CUX2: variants seen among roughly 807,000 people sequenced by gnomAD.
CUX2 encodes the protein cut like homeobox 2.
Under a neutral mutation model 144.8 loss-of-function variants are expected in CUX2, and 40 were observed. The observed-to-expected ratio is 0.28, with a 90% CI of 0.21 to 0.36. CUX2 has a LOEUF of 0.36. CUX2 is among the 10% of genes least tolerant of loss of function. CUX2 has a pLI of 1.00. For missense variants in CUX2, 1,615 were observed against 1,994.0 expected (o/e 0.81, Z 3.62); for synonymous variants, 827 against 875.6 (o/e 0.94, Z 0.98).
intron 3 of CUX2, among the ~76,000 whole-genome samples, chr12:111,245,395 T>A (rs1014348137): frequency 6.6e-6 from 1 of 152,064 alleles, no homozygotes; most frequent in African/African-American, 2.4e-5. Context: ...AATTTTTTTT[T>A]ACTTTTTTCT....
Position 111,160,606 on chromosome 12 carries a change from G to A in CUX2, c.64-53594G>A, listed in dbSNP as rs552968810. Among the ~76,000 whole-genome samples the A allele has an allele frequency of 2.6e-5, 4 of 152,194 alleles. No individual in the cohort carries two copies. The highest frequency in any genetic ancestry group is 9.6e-5 in the African/African-American group (4 of 41,456). On this transcript the variant is annotated intron_variant, in intron 1 of 21. Coordinates refer to ENST00000261726, the MANE Select transcript of CUX2 (RefSeq NM_015267.4). The surrounding 1 kb of genome is among the most constrained non-coding windows in gnomAD (Gnocchi z 4.1). The stretch of plus-strand genomic sequence containing the variant: ...GCTGTGGAGGTCTCCTTGGCCACAC[G>A]AAGGGGCCTGGGTTTTTGTCTCCAT...
intron 1 of CUX2, among the ~76,000 whole-genome samples, chr12:111,058,553 G>C (rs1045902586): frequency 6.6e-6 from 1 of 151,876 alleles, no homozygotes; most frequent in African/African-American, 2.4e-5. Flanking sequence ...GAGAGACAGA[G>C]AGAGAGAGAG....
intron 1 of CUX2, among the ~76,000 whole-genome samples, chr12:111,056,635 A>C (rs996872047): frequency 4.6e-5 from 7 of 152,200 alleles, no homozygotes; most frequent in Non-Finnish European, 1.0e-4. Context: ...TATCACTTCC[A>C]TCTACTCTGC....
rs780595728 is a variant in CUX2 at position 111,341,937 on chromosome 12, G to A, written c.3543G>A (p.Glu1181=). The change falls in exon 21 of 22, where the codon GAG becomes GAA. Residue 1181 remains glutamate (E), a synonymous_variant. Transcript: ENST00000261726. The stretch of plus-strand genomic sequence containing the variant: ...TGGTGCTGGCACCCGAGGAGAAGGA[G>A]GCACTGCGGAAGGCCTATCAGCTGG... ...PRVVLAPEEK[E]ALRKAYQLEP... is the part of the protein sequence containing the mutation. 2.5e-6 allele frequency: 4 copies of A among 1,614,110 alleles called. No homozygotes were observed. In the East Asian group the frequency reaches 8.9e-5, roughly 36 times the overall value.
chr12:111,039,253 C>T lies in CUX2; in HGVS notation c.63+5013C>T, dbSNP rs1467666532. 2.0e-5 allele frequency among the ~76,000 whole-genome samples: 3 copies of T among 152,024 alleles called. No homozygotes were observed. Among genetic ancestry groups the T allele is most frequent in the African/African-American group, 7.2e-5 (3 of 41,388 alleles). ...GTGGTGACCTGCCTTTGTTCCTGGC[C>T]TTGGGATTCAGGGTCCCATCTTCTG... On this transcript the variant is annotated intron_variant, in intron 1 of 21. Coordinates refer to ENST00000261726, the MANE Select transcript of CUX2 (RefSeq NM_015267.4). This position sits in a 1 kb window ranked among gnomAD's most constrained non-coding sequence, Gnocchi z 4.2.
intron 1 of CUX2, among the ~76,000 whole-genome samples, chr12:111,143,803 TG>T (rs952548994): frequency 4.1e-4 from 63 of 152,280 alleles, no homozygotes; most frequent in Non-Finnish European, 1.5e-5. Flanking sequence ...CTGGGGTGTG[TG>T]GGGGGGTTTT....
At chr12:111,040,614 C>G (rs1316147947) in intron 1 of CUX2, among the ~76,000 whole-genome samples, 1 of 152,164 alleles carries the variant, frequency 6.6e-6, no homozygotes, top group African/African-American at 2.4e-5. Flanking sequence ...CCACTGTTTC[C>G]CCACTGTAAT....
chr12:111,055,710 C>T (rs140184976), intron 1 of CUX2, among the ~76,000 whole-genome samples: 1,597 of 152,284 alleles, frequency 0.01, 25 homozygotes, highest in African/African-American at 0.036. Flanking sequence ...ACTGCCCCAG[C>T]GGTCCCATCG....
intron 1 of CUX2, among the ~76,000 whole-genome samples, chr12:111,072,022 A>G (rs1871275398): frequency 6.6e-6 from 1 of 152,158 alleles, no homozygotes. Context: ...CTGTAGCTTT[A>G]TAGTAAGTCT....
chr12:111,191,376 G>C (rs1197667940), intron 1 of CUX2, among the ~76,000 whole-genome samples: 1 of 151,500 alleles, frequency 6.6e-6, no homozygotes, highest in African/African-American at 2.4e-5. Flanking sequence ...CTGTCACCCA[G>C]GCTAGAGTGC....
In CUX2 at chr12:111,035,250, C is replaced by G. The variant is rs1456785109; in HGVS notation, c.63+1010C>G. ...CCTCTCTTCCCTGCTCTTTCTCTCT[C>G]CTTCCCTAGGGCGACTCTTCGAAAC... is the stretch of plus-strand genomic sequence containing the variant. On this transcript the variant is annotated intron_variant, in intron 1 of 21. Transcript: ENST00000261726. The surrounding 1 kb of genome is among the most constrained non-coding windows in gnomAD (Gnocchi z 6.0). Among the ~76,000 whole-genome samples the G allele has an allele frequency of 4.6e-5, 7 of 152,246 alleles. No individual in the cohort carries two copies. Among genetic ancestry groups the G allele is most frequent in the Admixed American group, 4.6e-4 (7 of 15,280 alleles).
At chr12:111,308,006 C>T (rs1305466230) in intron 12 of CUX2, among the ~76,000 whole-genome samples, 1 of 152,134 alleles carries the variant, frequency 6.6e-6, no homozygotes, top group South Asian at 2.1e-4. Context: ...TACAAGGGAA[C>T]TTATTATAGG....
chr12:111,069,927 G>C (rs1356788973), intron 1 of CUX2, among the ~76,000 whole-genome samples: 1 of 152,140 alleles, frequency 6.6e-6, no homozygotes, highest in East Asian at 1.9e-4. Flanking sequence ...GATGATACCT[G>C]TGTGGGCTTC....
At chr12:111,230,085 C>A (rs560165300) in intron 3 of CUX2, among the ~76,000 whole-genome samples, 1 of 150,912 alleles carries the variant, frequency 6.6e-6, no homozygotes, top group East Asian at 1.9e-4. Context: ...ACCAGCAGGT[C>A]GAGGCTGCAA....
chr12:111,161,845 C>G (rs113459377), intron 1 of CUX2, among the ~76,000 whole-genome samples: 3,925 of 152,282 alleles, frequency 0.026, 182 homozygotes, highest in African/African-American at 0.09. Context: ...AGCAGTCCTC[C>G]CACTTCAGCC....
At chr12:111,147,734 A>C (rs1489914108) in intron 1 of CUX2, among the ~76,000 whole-genome samples, 1 of 152,148 alleles carries the variant, frequency 6.6e-6, no homozygotes, top group African/African-American at 2.4e-5. Flanking sequence ...GAGGAGGGAG[A>C]GGGCGAGGGA....
chr12:111,329,568 G>C (rs892171737), intron 18 of CUX2, among the ~76,000 whole-genome samples: 1 of 152,072 alleles, frequency 6.6e-6, no homozygotes, highest in Non-Finnish European at 1.5e-5. Flanking sequence ...CTCTAGGTTG[G>C]GACATGGGTG....
chr12:111,268,525 G>A (rs1884493305), intron 4 of CUX2, among the ~76,000 whole-genome samples: 1 of 152,220 alleles, frequency 6.6e-6, no homozygotes, highest in African/African-American at 2.4e-5. Context: ...CGCGCTCACA[G>A]GAACAGTCCA....
At chr12:111,298,654 G>A (rs1307013963) in intron 9 of CUX2, 65 bp downstream of exon 9, 2 of 1,443,728 alleles carry the variant, frequency 1.4e-6, no homozygotes, top group African/African-American at 2.8e-5. Context: ...GGGGGTCTCG[G>A]GCCAGATGAG....
Sources: gnomAD v4.1 joint callset for allele counts (sites outside exome capture counted in the v4.1 genomes callset) on GRCh38, gnomAD v4.1.1 for gene constraint, Gnocchi (gnomAD v3.1) non-coding constraint, MANE v1.5 for transcripts, NCBI Gene and HGNC (gene_info 2026-07-23, HGNC 2026-07-21) for gene names.